Variants in PKIB observed in about 807,000 individuals in gnomAD.
The protein encoded by PKIB is cAMP-dependent protein kinase inhibitor beta.
Under a neutral mutation model 4.5 loss-of-function variants are expected in PKIB, and 2 were observed. The ratio of observed to expected loss-of-function variants is 0.44; its 90% CI spans 0.18 to 1.39. The LOEUF (loss-of-function observed/expected upper bound fraction) is 1.39, where lower values mean the gene tolerates loss of function less well. PKIB is among the 40% of genes most tolerant of loss of function. The pLI is 0.27. For synonymous variants in PKIB, 38 were observed against 36.0 expected, an observed-to-expected ratio of 1.06 and a Z score of -0.20; for missense variants, 94 against 92.6, an observed-to-expected ratio of 1.02 and a Z score of -0.06.
At chr6:122,602,538 T>C (rs1774401376) in intron 3 of PKIB, among the ~76,000 whole-genome samples, 2 of 152,194 alleles carry the variant, frequency 1.3e-5, no homozygotes, top group African/African-American at 2.4e-5. Context: ...TTAATTTTTA[T>C]AGCTTTTCTA....
intron 1 of PKIB, among the ~76,000 whole-genome samples, chr6:122,632,517 G>A (rs1285736567): frequency 1.3e-5 from 2 of 152,100 alleles, no homozygotes; most frequent in East Asian, 3.9e-4. Flanking sequence ...AAATAACTAG[G>A]TTGTTTTCCA....
intron 2 of PKIB, among the ~76,000 whole-genome samples, chr6:122,671,594 A>G (rs1777465407): frequency 1.3e-5 from 2 of 152,170 alleles, no homozygotes; most frequent in African/African-American, 4.8e-5. Flanking sequence ...CATGATTTTT[A>G]TGTTTACAAT....
chr6:122,516,566 G>T (rs1243040878), intron 2 of PKIB, among the ~76,000 whole-genome samples: 3 of 152,116 alleles, frequency 2.0e-5, no homozygotes, highest in African/African-American at 7.2e-5. Context: ...TATAGACCTT[G>T]CCTGTGTTCC....
chr6:122,655,837 G>T (rs1035901727), intron 2 of PKIB, among the ~76,000 whole-genome samples: 13 of 151,856 alleles, frequency 8.6e-5, no homozygotes, highest in African/African-American at 2.9e-4. Context: ...CCTATATAAG[G>T]AAAAAAAGTC....
chr6:122,476,988 A>G (rs1316545661), intron 1 of PKIB, among the ~76,000 whole-genome samples: 3 of 152,214 alleles, frequency 2.0e-5, no homozygotes, highest in African/African-American at 4.8e-5. Flanking sequence ...TAGAAATGAA[A>G]TGTGAATCAC....
intron 3 of PKIB, among the ~76,000 whole-genome samples, chr6:122,691,717 G>T (rs1009264868): frequency 6.6e-6 from 1 of 152,020 alleles, no homozygotes; most frequent in Non-Finnish European, 1.5e-5. Context: ...TTCATTTGGT[G>T]AGGCCATGTT....
chr6:122,530,027 C>G (rs1777211434), intron 2 of PKIB, among the ~76,000 whole-genome samples: 1 of 151,448 alleles, frequency 6.6e-6, no homozygotes, highest in African/African-American at 2.4e-5. Flanking sequence ...AGCTCTCTCC[C>G]CCTTCTTTCT....
intron 2 of PKIB, among the ~76,000 whole-genome samples, chr6:122,495,682 A>G (rs77222719): frequency 7.1e-4 from 108 of 152,276 alleles, no homozygotes; most frequent in African/African-American, 2.5e-3. Flanking sequence ...AAATCAGCCA[A>G]TACCACCACA....
intron 2 of PKIB, among the ~76,000 whole-genome samples, chr6:122,580,818 GGTT>G (rs1308074455): frequency 6.6e-6 from 1 of 152,126 alleles, no homozygotes; most frequent in Non-Finnish European, 1.5e-5. Context: ...AAACAGGAAG[GGTT>G]GTTTGTTTTT....
chr6:122,568,735 AG>A (rs2114687374), intron 2 of PKIB, among the ~76,000 whole-genome samples: 1 of 152,318 alleles, frequency 6.6e-6, no homozygotes, highest in Admixed American at 6.5e-5. Context: ...ACCAGAACCC[AG>A]GGTTGGAAGT....
At chr6:122,475,617 C>T (rs191460931) in intron 1 of PKIB, among the ~76,000 whole-genome samples, 86 of 152,202 alleles carry the variant, frequency 5.7e-4, no homozygotes, top group Non-Finnish European at 7.4e-5. Context: ...GAAACCCTGT[C>T]TCTACTAAAA....
At chr6:122,493,639 G>A (rs1775997826) in intron 2 of PKIB, among the ~76,000 whole-genome samples, 1 of 152,138 alleles carries the variant, frequency 6.6e-6, no homozygotes, top group Non-Finnish European at 1.5e-5. Flanking sequence ...AGTACCTCTT[G>A]TCTGAGAGTC....
intron 3 of PKIB, among the ~76,000 whole-genome samples, chr6:122,706,072 T>G (rs1248548657): frequency 6.6e-6 from 1 of 152,150 alleles, no homozygotes; most frequent in Non-Finnish European, 1.5e-5. Flanking sequence ...TAGAACTTGC[T>G]TTTTGCACTC....
intron 1 of PKIB, among the ~76,000 whole-genome samples, chr6:122,622,584 TG>T (rs1473416628): frequency 6.6e-6 from 1 of 152,140 alleles, no homozygotes; most frequent in African/African-American, 2.4e-5. Flanking sequence ...GGGGGTGCAC[TG>T]GGAACAGCTA....
intron 3 of PKIB, among the ~76,000 whole-genome samples, chr6:122,677,967 G>A (rs376927692): frequency 1.3e-5 from 2 of 151,376 alleles, no homozygotes; most frequent in African/African-American, 4.9e-5. Flanking sequence ...GAGTGCAGTG[G>A]CGAGATCTCG....
chr6:122,592,992 A>C (rs1774063122), intron 3 of PKIB, among the ~76,000 whole-genome samples: 2 of 152,170 alleles, frequency 1.3e-5, no homozygotes, highest in Admixed American at 1.3e-4. Flanking sequence ...CATTTTTGAT[A>C]TTAAATTTAC....
At chr6:122,657,805 A>G (rs1776832904) in intron 2 of PKIB, among the ~76,000 whole-genome samples, 1 of 152,256 alleles carries the variant, frequency 6.6e-6, no homozygotes, top group Non-Finnish European at 1.5e-5. Context: ...ATACTCATAA[A>G]ACCAATAAAA....
intron 2 of PKIB, among the ~76,000 whole-genome samples, chr6:122,490,985 C>T (rs1433559237): frequency 6.6e-6 from 1 of 152,062 alleles, no homozygotes; most frequent in Non-Finnish European, 1.5e-5. Flanking sequence ...AACCTCAGTT[C>T]CTGCCTCCTC....
chr6:122,706,091 T>C (rs955053570), intron 3 of PKIB, among the ~76,000 whole-genome samples: 2 of 152,168 alleles, frequency 1.3e-5, no homozygotes, highest in Non-Finnish European at 2.9e-5. Context: ...TCCCCTCTTT[T>C]AGCTTACAGA....
Sources: gnomAD v4.1 joint callset for allele counts (sites outside exome capture counted in the v4.1 genomes callset) on GRCh38, gnomAD v4.1.1 for gene constraint, MANE v1.5 for transcripts, NCBI Gene and HGNC (gene_info 2026-07-23, HGNC 2026-07-21) for gene names.